Variants in CDC42BPG observed in about 807,000 individuals in gnomAD.
CDC42BPG encodes the protein CDC42 binding protein kinase gamma.
CDC42BPG carries 157 observed loss-of-function variants against 192.2 expected under a neutral mutation model. That is an observed-to-expected ratio of 0.82 (90% CI 0.72 to 0.93). CDC42BPG has a LOEUF of 0.93. Among genes scored for constraint, CDC42BPG ranks in the 40% least tolerant of loss-of-function variants. The pLI, the probability that CDC42BPG is intolerant of heterozygous loss-of-function variation, is 0.00. For missense variants in CDC42BPG, 1,992 were observed against 2,122.1 expected (o/e 0.94, Z 1.20); for synonymous variants, 981 against 918.5 (o/e 1.07, Z -1.23).
intron 5 of CDC42BPG, among the ~76,000 whole-genome samples, 155 bp downstream of exon 5, chr11:64,839,965 C>T (rs554936472): frequency 6.6e-6 from 1 of 152,302 alleles, no homozygotes; most frequent in East Asian, 1.9e-4. Flanking sequence ...ACAGAGGGCT[C>T]TTTGGTATGA....
intron 9 of CDC42BPG, 123 bp from the exon 10 acceptor site, chr11:64,837,142 A>G (rs1943058654): frequency 1.3e-5 from 11 of 839,252 alleles, no homozygotes; most frequent in Non-Finnish European, 1.9e-6. Context: ...CCCTCGGGAG[A>G]CCCCAGACTG....
At chr11:64,832,185 G>A (rs11607853) in intron 27 of CDC42BPG, among the ~76,000 whole-genome samples, 75,235 of 152,152 alleles carry the variant, frequency 0.49, 20,279 homozygotes, top group Non-Finnish European at 0.62. Flanking sequence ...AGGGCTGGGA[G>A]GCCTGCAGGG....
intron 8 of CDC42BPG, 31 bp from the exon 9 acceptor site, chr11:64,838,193 TC>T: frequency 1.3e-6 from 2 of 1,533,696 alleles, no homozygotes; most frequent in South Asian, 1.2e-5. Flanking sequence ...AGAGTCAGAG[TC>T]CACAGGCCAA....
At chr11:64,827,988 A>G (rs544037845) in intron 30 of CDC42BPG, among the ~76,000 whole-genome samples, 2 of 152,240 alleles carry the variant, frequency 1.3e-5, no homozygotes, top group Non-Finnish European at 2.9e-5. Flanking sequence ...TAAACACGAC[A>G]TGCTTTTCCT....
chr11:64,839,304 G>C, intron 6 of CDC42BPG, 71 bp from the exon 7 acceptor site: 1 of 1,576,620 alleles, frequency 6.3e-7, no homozygotes, highest in Non-Finnish European at 8.7e-7. Flanking sequence ...CCTCGCGATG[G>C]CCCTGTCACC....
At position 64,832,663 on chromosome 11, in the gene CDC42BPG, G is replaced by A. The variant is rs776227609; in HGVS notation, c.2946C>T (p.Asp982=). Residue 982 remains aspartate (D), a synonymous_variant, in exon 26 of 37, where the codon GAC becomes GAT. Transcript: ENST00000342711. ...GCGGGCTGAGCCTCAGGTCAGGGGC[G>A]TCAAACAGCAGCAGGCGTGAGTCAC... ...ALSDSRLLLF[D]APDLRLSPPS... 140 of 1,613,558 alleles carry A rather than the reference G, an allele frequency of 8.7e-5. No individual in the cohort carries two copies. Among genetic ancestry groups the A allele is most frequent in the South Asian group, 2.0e-4 (18 of 91,076 alleles).
chr11:64,833,412 G>T, intron 23 of CDC42BPG, 76 bp from the exon 24 acceptor site: 1 of 1,008,142 alleles, frequency 9.9e-7, no homozygotes. Flanking sequence ...GGAAAGACAA[G>T]GGGCTGAGCC....
At chr11:64,832,115 G>C (rs1258129947) in intron 27 of CDC42BPG, among the ~76,000 whole-genome samples, 1 of 152,226 alleles carries the variant, frequency 6.6e-6, no homozygotes, top group African/African-American at 2.4e-5. Context: ...ACAGGCACAG[G>C]GCGCCTTCAG....
In CDC42BPG at chr11:64,836,914, C is replaced by T; in HGVS notation, c.1303+8G>A. 2 of 1,613,312 alleles carry T rather than the reference C, an allele frequency of 1.2e-6. No individual in the cohort carries two copies. Among genetic ancestry groups the T allele is most frequent in the Non-Finnish European group, 1.7e-6 (2 of 1,179,748 alleles). On this transcript the variant is annotated splice_region_variant and intron_variant, in intron 10 of 36. Coordinates refer to ENST00000342711, the MANE Select transcript of CDC42BPG (RefSeq NM_017525.3). Reference sequence around the variant, plus strand: ...CACACCCAGGCCCGGCCCAGCCGCTCCCAGTACCTTGGTGCTTCCTGCTCA... The same window carrying T: ...CACACCCAGGCCCGGCCCAGCCGCTTCCAGTACCTTGGTGCTTCCTGCTCA...
At chr11:64,829,379 C>T in intron 30 of CDC42BPG, 92 bp downstream of exon 30, 3 of 1,505,632 alleles carry the variant, frequency 2.0e-6, no homozygotes. Flanking sequence ...CAAAGGCCTC[C>T]AATGCCAGGC....
At chr11:64,834,216 G>C in intron 20 of CDC42BPG, 50 bp downstream of exon 20, 1 of 1,512,704 alleles carries the variant, frequency 6.6e-7, no homozygotes, top group Non-Finnish European at 8.9e-7. Flanking sequence ...TGGCAAGTGG[G>C]AGGCCGCGGG....
At chr11:64,838,278 G>A in intron 8 of CDC42BPG, 116 bp from the exon 9 acceptor site, 4 of 745,294 alleles carry the variant, frequency 5.4e-6, no homozygotes, top group Admixed American at 5.7e-5. Context: ...GAACTCAGGG[G>A]GGTAACACAG....
At position 64,823,579 on chromosome 11, in the gene CDC42BPG, T is replaced by C. The variant is rs1203899973; in HGVS notation, c.*894A>G. 3 of 152,136 alleles carry C rather than the reference T, an allele frequency of 2.0e-5. No individual in the cohort carries two copies. The highest frequency in any genetic ancestry group is 7.2e-5 in the African/African-American group (3 of 41,418). 9.4% of individuals were successfully genotyped at this position (152,136 alleles called of 1,614,324 possible). A position where few individuals can be genotyped will look rare whatever the true frequency, so the allele number is the denominator to read the frequency against. On this transcript the variant is annotated 3_prime_UTR_variant, in exon 37 of 37. Transcript: ENST00000342711. The stretch of plus-strand genomic sequence containing the variant: ...GCCCTAGTTTCCAATACACAACTGG[T>C]TGAAGATTCGAGAAAAACGACCCCC...
At position 64,833,797 on chromosome 11, in the gene CDC42BPG, T is replaced by C; in HGVS notation, c.2506A>G (p.Thr836Ala). Residue 836 changes from threonine to alanine, a missense_variant, in exon 22 of 37, where the codon ACA becomes GCA. Thr to Ala is a moderately conservative substitution (Grantham distance 58). Transcript: ENST00000342711. ...AGATCTGGCTCTCCTCCATGCCTTGTGGCCTCTCCTGAGATGCCAGGGTCC... is the reference window on the plus strand; with the variant it reads ...AGATCTGGCTCTCCTCCATGCCTTGCGGCCTCTCCTGAGATGCCAGGGTCC... ...AKDPGISGEA[T>A]RHGGEPDLRP... The C allele has an allele frequency of 6.2e-7, 1 of 1,614,234 alleles. No individual in the cohort carries two copies. Among genetic ancestry groups the C allele is most frequent in the Non-Finnish European group, 8.5e-7 (1 of 1,180,044 alleles).
chr11:64,841,964 A>AGAG (rs1943301357), intron 1 of CDC42BPG, 60 bp from the exon 2 acceptor site: 1 of 1,373,396 alleles, frequency 7.3e-7, no homozygotes, highest in East Asian at 2.5e-5. Context: ...TCCCCCTCTC[A>AGAG]CCTTGGGCAA....
chr11:64,835,579 C>T lies in CDC42BPG; in HGVS notation c.1801G>A (p.Glu601Lys). The change falls in exon 15 of 37, where the codon GAG becomes AAG. Residue 601 changes from glutamate to lysine, a missense_variant. Glu to Lys is a moderately conservative substitution (Grantham distance 56, BLOSUM62 1). Transcript: ENST00000342711. ...ASETNGMGPPEGGPQEAQLRK... is the reference protein window; with the variant it reads ...ASETNGMGPPKGGPQEAQLRK... Reference sequence around the variant, plus strand: ...AGTTGGGCCTCCTGAGGCCCACCCTCAGGGGGTCCCATCCCGTTGGTCTCA... The same window carrying T: ...AGTTGGGCCTCCTGAGGCCCACCCTTAGGGGGTCCCATCCCGTTGGTCTCA... 1.9e-6 allele frequency: 3 copies of T among 1,582,482 alleles called. No individual in the cohort carries two copies. The South Asian group carries it at 3.4e-5, about 18-fold the overall frequency.
intron 30 of CDC42BPG, 93 bp downstream of exon 30, chr11:64,829,378 C>T: frequency 6.6e-7 from 1 of 1,504,956 alleles, no homozygotes; most frequent in South Asian, 1.2e-5. Context: ...CCAAAGGCCT[C>T]CAATGCCAGG....
chr11:64,829,658 C>T lies in CDC42BPG; in HGVS notation c.3780G>A (p.Leu1260=), dbSNP rs1177906641. 5 of 1,611,594 alleles carry T rather than the reference C, an allele frequency of 3.1e-6. No homozygotes were observed. The highest frequency in any genetic ancestry group is 2.2e-5 in the South Asian group (2 of 90,980). ...PLLNEAAPLA[L]GAGLVPEELP... ...GCTCCTCAGGCACCAAACCGGCCCC[C>T]AGCGCCAACGGCGCAGCCTCGTTGA... The change falls in exon 30 of 37, where the codon CTG becomes CTA. Residue 1260 remains leucine (L), a synonymous_variant. Coordinates refer to ENST00000342711, the MANE Select transcript of CDC42BPG (RefSeq NM_017525.3).
At chr11:64,834,704 C>A in intron 18 of CDC42BPG, 127 bp from the exon 19 acceptor site, 1 of 1,362,048 alleles carries the variant, frequency 7.3e-7, no homozygotes, top group Non-Finnish European at 9.9e-7. Context: ...CAGCCAATGA[C>A]CCACTGTGAG....
Sources: gnomAD v4.1 joint callset for allele counts (sites outside exome capture counted in the v4.1 genomes callset) on GRCh38, gnomAD v4.1.1 for gene constraint, MANE v1.5 for transcripts, NCBI Gene and HGNC (gene_info 2026-07-23, HGNC 2026-07-21) for gene names.